ARHGAP44: variants seen among roughly 807,000 people sequenced by gnomAD.
ARHGAP44 encodes Rho GTPase activating protein 44, also known as rho GTPase-activating protein 44.
In ARHGAP44, 43 loss-of-function variants were observed where a neutral mutation model predicts 106.8. That is an observed-to-expected ratio of 0.40 (90% confidence interval 0.32 to 0.52). ARHGAP44 has a LOEUF of 0.52. ARHGAP44 is among the 20% of genes least tolerant of loss of function. The pLI is 0.48. For missense variants in ARHGAP44, 866 were observed against 1,050.5 expected, an observed-to-expected ratio of 0.82 and a Z score of 2.43; for synonymous variants, 439 against 410.3, an observed-to-expected ratio of 1.07 and a Z score of -0.85.
chr17:12,871,380 G>A (rs1430292270), intron 1 of ARHGAP44, among the ~76,000 whole-genome samples: 29 of 152,122 alleles, frequency 1.9e-4, no homozygotes, highest in Admixed American at 1.9e-3. Context: ...CCTGAGACTA[G>A]GTGATTTATA....
At chr17:12,843,716 C>T (rs1345097269) in intron 1 of ARHGAP44, among the ~76,000 whole-genome samples, 8 of 136,818 alleles carry the variant, frequency 5.8e-5, no homozygotes, top group African/African-American at 8.6e-5. Context: ...AGTGCAATGG[C>T]GTGATCTCTG....
intron 16 of ARHGAP44, among the ~76,000 whole-genome samples, chr17:12,964,029 G>A (rs547788887): frequency 7.9e-5 from 12 of 152,050 alleles, no homozygotes; most frequent in Non-Finnish European, 1.0e-4. Context: ...TGATATATAG[G>A]GTGTCCTAAC....
intron 1 of ARHGAP44, among the ~76,000 whole-genome samples, chr17:12,796,854 C>T (rs2033940569): frequency 6.6e-6 from 1 of 151,972 alleles, no homozygotes; most frequent in African/African-American, 2.4e-5. Context: ...ATCTGCCCGC[C>T]TCAGCCTCCC....
At chr17:12,957,228 G>C (rs1178124787) in intron 15 of ARHGAP44, among the ~76,000 whole-genome samples, 1 of 152,168 alleles carries the variant, frequency 6.6e-6, no homozygotes, top group Non-Finnish European at 1.5e-5. Context: ...AAAGTGCTGG[G>C]ATTACAGGCG....
rs1296307912 is a variant in ARHGAP44, at chr17:12,984,858, C to T, written c.2267C>T (p.Thr756Met). 8.1e-6 allele frequency: 13 copies of T among 1,613,814 alleles called. No individual in the cohort carries two copies. The highest frequency in any genetic ancestry group is 4.0e-5 in the African/African-American group (3 of 74,922). The change falls in exon 20 of 21, where the codon ACG becomes ATG. Residue 756 changes from threonine (T) to methionine (M), a missense_variant. Physicochemically the swap from Thr to Met is moderately conservative, Grantham distance 81 (BLOSUM62 -1). Coordinates refer to ENST00000379672, the MANE Select transcript of ARHGAP44 (RefSeq NM_014859.6). ...VNLSASSPQS[T>M]EAPMLDGMSP... ...CTCTCGGCCTCTAGTCCACAGTCCA[C>T]GGAGGCCCCCATGCTAGATGGCATG...
chr17:12,896,290 G>C, intron 2 of ARHGAP44, 117 bp from the exon 3 acceptor site: 1 of 768,306 alleles, frequency 1.3e-6, no homozygotes, highest in Non-Finnish European at 2.1e-6. Context: ...AAACAAAGCT[G>C]TCTCTCCAGG....
intron 1 of ARHGAP44, among the ~76,000 whole-genome samples, chr17:12,808,487 G>T (rs182012785): frequency 6.6e-6 from 1 of 152,342 alleles, no homozygotes; most frequent in African/African-American, 2.4e-5. Context: ...TGACTTCTGT[G>T]CACCCACGGG....
In ARHGAP44 at chr17:12,867,918, C is replaced by CCT. The variant is rs2036280134; in HGVS notation, c.54-27021_54-27020dup. Among the ~76,000 whole-genome samples, 3 of 152,300 alleles carry CCT rather than the reference C, an allele frequency of 2.0e-5. No homozygotes were observed. The South Asian group carries it at 6.2e-4, about 32-fold the overall frequency. On this transcript the variant is annotated intron_variant, in intron 1 of 20. Transcript: ENST00000379672. Reference sequence around the variant, plus strand: ...GATGTGGTTAGTGCAGGCAATGCTTCCTACTCTATTCTACAGCTCCATGAT... The same window carrying CCT: ...GATGTGGTTAGTGCAGGCAATGCTTCCTCTACTCTATTCTACAGCTCCATGAT...
At position 12,915,601 on chromosome 17, in the gene ARHGAP44, TCTC is replaced by T. The variant is rs373039545; in HGVS notation, c.276-295_276-293del. On this transcript the variant is annotated intron_variant, in intron 4 of 20. Coordinates refer to ENST00000379672, the MANE Select transcript of ARHGAP44 (RefSeq NM_014859.6). ...CGGGCAGATTTTAGCTATCCAATGTTCTCCTCAGAGATAGAAGCATGTGTTTAT... is the reference window on the plus strand; with the variant it reads ...CGGGCAGATTTTAGCTATCCAATGTTCTCAGAGATAGAAGCATGTGTTTAT... Among the ~76,000 whole-genome samples, 254 of 152,338 alleles carry T rather than the reference TCTC, an allele frequency of 1.7e-3. 1 individual carries two copies. Among genetic ancestry groups the T allele is most frequent in the African/African-American group, 5.8e-3 (241 of 41,580 alleles).
rs1042505553 is a variant in ARHGAP44, at chr17:12,950,202, G to A, written c.1055+472G>A. 3.9e-5 allele frequency among the ~76,000 whole-genome samples: 6 copies of A among 152,214 alleles called. No individual in the cohort carries two copies. The East Asian group carries it at 5.8e-4, about 15-fold the overall frequency. On this transcript the variant is annotated intron_variant, in intron 12 of 20. Coordinates refer to ENST00000379672, the MANE Select transcript of ARHGAP44 (RefSeq NM_014859.6). ...AAAAGAAAGTTCTGGAAGGGCTCAC[G>A]TAGGCTGACAGCAGTGATTCCTCCT... is the stretch of plus-strand genomic sequence containing the variant.
chr17:12,978,846 G>A (rs915763400), intron 18 of ARHGAP44, among the ~76,000 whole-genome samples: 50 of 152,084 alleles, frequency 3.3e-4, no homozygotes, highest in African/African-American at 1.2e-3. Flanking sequence ...ATGTCACCAC[G>A]CCCAGCTAAT....
chr17:12,804,799 G>T lies in ARHGAP44; in HGVS notation c.53+14908G>T, dbSNP rs186909596. On this transcript the variant is annotated intron_variant, in intron 1 of 20. Coordinates refer to ENST00000379672, the MANE Select transcript of ARHGAP44 (RefSeq NM_014859.6). ...TGTATTGTATTCTAGTTATACTTCT[G>T]CACACATCTGTCTCTGGTACTAATC... Among the ~76,000 whole-genome samples, 4 of 152,250 alleles carry T rather than the reference G, an allele frequency of 2.6e-5. No individual in the cohort carries two copies. In the East Asian group the frequency reaches 7.7e-4, roughly 29 times the overall value.
Position 12,919,768 on chromosome 17 carries a change from A to G in ARHGAP44, c.401A>G (p.Asn134Ser). The change falls in exon 6 of 21, where the codon AAT becomes AGT. Residue 134 changes from asparagine to serine, a missense_variant. This residue lies in a region of ARHGAP44 where 448 missense variants were observed against 646.9 expected (regional missense o/e 0.69). Transcript: ENST00000379672. Reference protein sequence around the residue: ...LFLLAEVEIPNIQKQRKHLAK... With the variant: ...LFLLAEVEIPSIQKQRKHLAK... ...GTGTAACCACAGGTGGAAATCCCAA[A>G]TATTCAAAAGCAGAGGAAACACTTA... 2 of 1,612,774 alleles carry G rather than the reference A, an allele frequency of 1.2e-6. No homozygotes were observed. Among genetic ancestry groups the G allele is most frequent in the Non-Finnish European group, 1.7e-6 (2 of 1,179,384 alleles).
chr17:12,801,914 G>T (rs2034105724), intron 1 of ARHGAP44, among the ~76,000 whole-genome samples: 1 of 151,990 alleles, frequency 6.6e-6, no homozygotes, highest in South Asian at 2.1e-4. Flanking sequence ...AGCTTCCAGG[G>T]CTCAAAGTAG....
At chr17:12,890,838 T>G (rs189815295) in intron 1 of ARHGAP44, among the ~76,000 whole-genome samples, 1 of 152,206 alleles carries the variant, frequency 6.6e-6, no homozygotes, top group East Asian at 1.9e-4. Context: ...AAGGAAGCCA[T>G]GCAGATTCTT....
At chr17:12,873,995 C>T (rs2036481259) in intron 1 of ARHGAP44, among the ~76,000 whole-genome samples, 1 of 152,004 alleles carries the variant, frequency 6.6e-6, no homozygotes. Context: ...GAACGAATGG[C>T]TTTGGACAGA....
chr17:12,840,553 G>C (rs138419200), intron 1 of ARHGAP44, among the ~76,000 whole-genome samples: 472 of 152,236 alleles, frequency 3.1e-3, no homozygotes, highest in African/African-American at 0.01. Context: ...TCTTCTAATA[G>C]GAGCACCCAA....
At chr17:12,822,279 A>G (rs746330868) in intron 1 of ARHGAP44, among the ~76,000 whole-genome samples, 4 of 152,186 alleles carry the variant, frequency 2.6e-5, no homozygotes, top group Non-Finnish European at 5.9e-5. Context: ...ATTTCATGTA[A>G]TTTTCATTTG....
intron 7 of ARHGAP44, among the ~76,000 whole-genome samples, chr17:12,932,395 A>T (rs1182229032): frequency 1.3e-5 from 2 of 152,182 alleles, no homozygotes; most frequent in African/African-American, 4.8e-5. Flanking sequence ...TAAAATATCA[A>T]TTTATAAAAA....
Sources: allele counts gnomAD v4.1 joint callset (sites outside exome capture counted in the v4.1 genomes callset), GRCh38; gene constraint gnomAD v4.1.1; regional missense constraint gnomAD v4.1.1; transcripts MANE v1.5; gene names NCBI Gene and HGNC (gene_info 2026-07-23, HGNC 2026-07-21).